Variants in PRR16 observed in about 807,000 individuals in gnomAD.
PRR16 encodes the protein proline rich 16.
A neutral mutation model predicts 18.2 loss-of-function variants in PRR16; 6 were observed. The observed-to-expected ratio is 0.33, with a 90% CI of 0.18 to 0.65. The LOEUF is 0.65. PRR16 is among the 30% of genes least tolerant of loss of function. PRR16 has a pLI of 0.74. For missense variants in PRR16, 412 were observed against 376.6 expected, an observed-to-expected ratio of 1.09 and a Z score of -0.78; for synonymous variants, 151 against 147.8, an observed-to-expected ratio of 1.02 and a Z score of -0.16.
chr5:120,590,666 C>A (rs1243706777), intron 1 of PRR16, among the ~76,000 whole-genome samples: 1 of 152,052 alleles, frequency 6.6e-6, no homozygotes, highest in Non-Finnish European at 1.5e-5. Context: ...CACTATGTGG[C>A]TGCTTCTTGA....
chr5:120,593,672 A>G (rs967878388), intron 1 of PRR16, among the ~76,000 whole-genome samples: 2 of 152,158 alleles, frequency 1.3e-5, no homozygotes, highest in Non-Finnish European at 2.9e-5. Context: ...CACCATCCTG[A>G]TACCAAAACC....
rs941477744 is a variant in PRR16, at chr5:120,663,503, A to G, written c.160-22451A>G. On this transcript the variant is annotated intron_variant, in intron 1 of 1. Transcript: ENST00000407149. ...TTATTTCCACTTTTCTTCTGTGCAC[A>G]CCGTCTACTTTAATTATTTGTTCTT... 1.6e-4 allele frequency among the ~76,000 whole-genome samples: 25 copies of G among 152,156 alleles called. 1 individual carries two copies. The highest frequency in any genetic ancestry group is 1.5e-3 in the Admixed American group (23 of 15,258).
In PRR16 at chr5:120,533,560, G is replaced by A. The variant is rs141122613; in HGVS notation, c.159+68915G>A. Among the ~76,000 whole-genome samples, 3 of 152,216 alleles carry A rather than the reference G, an allele frequency of 2.0e-5. No homozygotes were observed. In the East Asian group the frequency reaches 5.8e-4, roughly 29 times the overall value. On this transcript the variant is annotated intron_variant, in intron 1 of 1. Coordinates refer to ENST00000407149, the MANE Select transcript of PRR16 (RefSeq NM_001300783.2). Reference sequence around the variant, plus strand: ...GATGATACTTGAACAAAGATTTTAAGGCCAGGGAGTTGGCCATGTGACTAT... The same window carrying A: ...GATGATACTTGAACAAAGATTTTAAAGCCAGGGAGTTGGCCATGTGACTAT...
chr5:120,590,565 A>C (rs1753599338), intron 1 of PRR16, among the ~76,000 whole-genome samples: 1 of 152,168 alleles, frequency 6.6e-6, no homozygotes. Flanking sequence ...TTTAAATTAT[A>C]GCTAATTTAT....
At chr5:120,672,509 A>G (rs973336834) in intron 1 of PRR16, among the ~76,000 whole-genome samples, 1 of 142,126 alleles carries the variant, frequency 7.0e-6, no homozygotes, top group Non-Finnish European at 1.5e-5. Context: ...AATTAATTAA[A>G]GGCTTTTAAT....
intron 1 of PRR16, among the ~76,000 whole-genome samples, chr5:120,664,436 A>C (rs1269981313): frequency 7.5e-6 from 1 of 133,946 alleles, no homozygotes; most frequent in Admixed American, 8.2e-5. Context: ...GGCAATGAAA[A>C]TTTGAGAAAA....
chr5:120,696,070 G>A, the PRR16 span, among the ~76,000 whole-genome samples: 3 of 151,946 alleles, frequency 2.0e-5, no homozygotes, highest in African/African-American at 4.8e-5. Flanking sequence ...GTGAAACTGC[G>A]TCTTTACTAA....
chr5:120,644,876 C>G (rs1021923953), intron 1 of PRR16, among the ~76,000 whole-genome samples: 1 of 152,136 alleles, frequency 6.6e-6, no homozygotes, highest in East Asian at 1.9e-4. Context: ...ATTTAAATAA[C>G]TTTGCAGTTT....
chr5:120,612,846 G>A (rs1754378789), intron 1 of PRR16, among the ~76,000 whole-genome samples: 1 of 151,948 alleles, frequency 6.6e-6, no homozygotes, highest in Admixed American at 6.6e-5. Context: ...AATATTACTT[G>A]CACAAATCAT....
chr5:120,506,349 T>G (rs1238436064), intron 1 of PRR16, among the ~76,000 whole-genome samples: 1 of 152,110 alleles, frequency 6.6e-6, no homozygotes, highest in Non-Finnish European at 1.5e-5. Context: ...TATATTGAAA[T>G]GTATTTTGAT....
At chr5:120,651,597 A>T (rs1390952745) in intron 1 of PRR16, among the ~76,000 whole-genome samples, 2 of 152,276 alleles carry the variant, frequency 1.3e-5, no homozygotes, top group South Asian at 4.1e-4. Flanking sequence ...TCATTTCCCC[A>T]TTTCTTGTTT....
chr5:120,793,546 A>G, the PRR16 span, among the ~76,000 whole-genome samples: 3 of 152,120 alleles, frequency 2.0e-5, no homozygotes, highest in African/African-American at 7.2e-5. Context: ...TGCAAAGAGA[A>G]AAAAGAGAGT....
intron 1 of PRR16, among the ~76,000 whole-genome samples, chr5:120,606,261 T>C (rs928836026): frequency 3.9e-5 from 6 of 152,154 alleles, no homozygotes; most frequent in African/African-American, 1.4e-4. Flanking sequence ...CAACAGAGGC[T>C]GTGATGGAGC....
At chr5:120,618,543 CTCAA>C (rs1183036209) in intron 1 of PRR16, 41 of 951,950 alleles carry the variant, frequency 4.3e-5, no homozygotes, top group Non-Finnish European at 5.0e-5. Flanking sequence ...TATTTATCTT[CTCAA>C]TCAAATTCTA....
At chr5:120,478,429 C>T (rs1749510419) in intron 1 of PRR16, among the ~76,000 whole-genome samples, 1 of 152,084 alleles carries the variant, frequency 6.6e-6, no homozygotes, top group South Asian at 2.1e-4. Flanking sequence ...AACCCATGTT[C>T]TTGTTTTTTG....
the PRR16 span, among the ~76,000 whole-genome samples, chr5:120,703,221 C>A: frequency 1.3e-5 from 2 of 152,134 alleles, no homozygotes; most frequent in African/African-American, 4.8e-5. Context: ...AAAGGATTTT[C>A]ACAAGGTAAT....
downstream of PRR16, among the ~76,000 whole-genome samples, chr5:120,691,890 A>T (rs545719564): frequency 6.6e-6 from 1 of 152,232 alleles, no homozygotes; most frequent in Non-Finnish European, 1.5e-5. Flanking sequence ...GAAGGGTTTT[A>T]CGTGAATATA....
the PRR16 span, among the ~76,000 whole-genome samples, chr5:120,755,037 CTTTT>C: frequency 1.2e-5 from 1 of 86,428 alleles, no homozygotes; most frequent in Non-Finnish European, 2.2e-5. Context: ...TCACTTCTTT[CTTTT>C]GTCATTTTGG....
chr5:120,483,346 C>T (rs1183090999), intron 1 of PRR16, among the ~76,000 whole-genome samples: 1 of 152,110 alleles, frequency 6.6e-6, no homozygotes, highest in African/African-American at 2.4e-5. Context: ...TCAGTTTGGA[C>T]TTGGTGAGCC....
Sources: allele counts gnomAD v4.1 joint callset (sites outside exome capture counted in the v4.1 genomes callset), GRCh38; gene constraint gnomAD v4.1.1; transcripts MANE v1.5; gene names NCBI Gene and HGNC (gene_info 2026-07-23, HGNC 2026-07-21).